The following LYPLAL1 variants were observed in gnomAD, a reference collection of about 807,000 sequenced individuals.
LYPLAL1 encodes lysophospholipase like 1.
A neutral mutation model predicts 19.7 loss-of-function variants in LYPLAL1; 23 were observed. The observed-to-expected ratio is 1.17, with a 90% CI of 0.84 to 1.65. The LOEUF is 1.65. LYPLAL1 is among the 40% of genes most tolerant of loss of function. The pLI, the probability that LYPLAL1 is intolerant of heterozygous loss-of-function variation, is 0.00. For missense variants in LYPLAL1, 355 were observed against 279.4 expected, an observed-to-expected ratio of 1.27 and a Z score of -1.93; for synonymous variants, 119 against 96.3, an observed-to-expected ratio of 1.24 and a Z score of -1.38.
chr1:219,202,590 G>C (rs1044451790), intron 3 of LYPLAL1, among the ~76,000 whole-genome samples: 54 of 152,334 alleles, frequency 3.5e-4, no homozygotes, highest in African/African-American at 1.2e-3. Context: ...TTTAATGAAG[G>C]AGGGATTCAG....
chr1:219,268,163 AG>A, the LYPLAL1 span, among the ~76,000 whole-genome samples: 40 of 152,296 alleles, frequency 2.6e-4, no homozygotes, highest in Middle Eastern at 3.4e-3. Flanking sequence ...GGCAGTTCAC[AG>A]GGGACAGAGG....
chr1:219,228,644 A>G, the LYPLAL1 span, among the ~76,000 whole-genome samples: 7 of 152,152 alleles, frequency 4.6e-5, no homozygotes, highest in African/African-American at 1.4e-4. Context: ...TATTTTTTCA[A>G]ATACAATTAT....
chr1:219,322,438 T>A, the LYPLAL1 span, among the ~76,000 whole-genome samples: 1 of 152,194 alleles, frequency 6.6e-6, no homozygotes, highest in African/African-American at 2.4e-5. Flanking sequence ...AGTGAAGCAT[T>A]AAACTCAGGC....
At chr1:219,306,805 G>GAT in the LYPLAL1 span, among the ~76,000 whole-genome samples, 26 of 134,562 alleles carry the variant, frequency 1.9e-4, no homozygotes, top group Admixed American at 3.2e-4. Context: ...CAGATGCATA[G>GAT]ATAGATATAG....
At chr1:219,439,287 C>G in the LYPLAL1 span, among the ~76,000 whole-genome samples, 1 of 152,146 alleles carries the variant, frequency 6.6e-6, no homozygotes, top group African/African-American at 2.4e-5. Flanking sequence ...GCACAGATAA[C>G]ATGGAACTCT....
At chr1:219,236,007 A>T in the LYPLAL1 span, among the ~76,000 whole-genome samples, 1 of 152,248 alleles carries the variant, frequency 6.6e-6, no homozygotes, top group Non-Finnish European at 1.5e-5. Flanking sequence ...GGACCTATAA[A>T]TAAAATTGTT....
chr1:219,238,304 ATTTTTT>A, the LYPLAL1 span, among the ~76,000 whole-genome samples: 41 of 81,878 alleles, frequency 5.0e-4, no homozygotes, highest in African/African-American at 1.0e-3. Flanking sequence ...CGCCCGGCTA[ATTTTTT>A]TTTTTTTTTT....
the LYPLAL1 span, among the ~76,000 whole-genome samples, chr1:219,237,551 TAG>T: frequency 6.6e-6 from 1 of 152,250 alleles, no homozygotes; most frequent in Non-Finnish European, 1.5e-5. Context: ...CCGTTTTGTA[TAG>T]AGTTATATTT....
chr1:219,250,231 T>C, the LYPLAL1 span, among the ~76,000 whole-genome samples: 1 of 152,060 alleles, frequency 6.6e-6, no homozygotes, highest in South Asian at 2.1e-4. Context: ...CTTTTTTCTG[T>C]ATGGATATTC....
chr1:219,289,100 T>G, the LYPLAL1 span, among the ~76,000 whole-genome samples: 1 of 136,516 alleles, frequency 7.3e-6, no homozygotes, highest in African/African-American at 2.6e-5. Context: ...TTTTTTGCCT[T>G]TGGAAATTTC....
chr1:219,318,296 A>T, the LYPLAL1 span, among the ~76,000 whole-genome samples: 1 of 151,898 alleles, frequency 6.6e-6, no homozygotes, highest in African/African-American at 2.4e-5. Flanking sequence ...CTCAAGTGTC[A>T]CTCTCCCAGG....
Position 219,190,552 on chromosome 1 carries a change from A to T in LYPLAL1, c.192-2530A>T, listed in dbSNP as rs992027692. 3.3e-5 allele frequency among the ~76,000 whole-genome samples: 5 copies of T among 150,372 alleles called. No homozygotes were observed. In the East Asian group the frequency reaches 5.9e-4, roughly 18 times the overall value. On this transcript the variant is annotated intron_variant, in intron 2 of 4. Transcript: ENST00000366928. ...GGATTGGCAGGAGCTTCTTAAGCAA[A>T]TCTAGAGACCCAGAAATTTAAATTT...
At chr1:219,180,751 T>A (rs1032424997) in intron 2 of LYPLAL1, among the ~76,000 whole-genome samples, 2 of 152,210 alleles carry the variant, frequency 1.3e-5, no homozygotes, top group Non-Finnish European at 2.9e-5. Context: ...ATTCTAGGAA[T>A]TAATATTTTT....
the LYPLAL1 span, among the ~76,000 whole-genome samples, chr1:219,326,182 G>A: frequency 6.6e-6 from 1 of 151,938 alleles, no homozygotes; most frequent in East Asian, 1.9e-4. Context: ...TCAAAATATT[G>A]GGATTACAGG....
chr1:219,216,878 C>G (rs1349159764), downstream of LYPLAL1, among the ~76,000 whole-genome samples: 1 of 152,108 alleles, frequency 6.6e-6, no homozygotes, highest in Non-Finnish European at 1.5e-5. Context: ...GTCTTCCTTT[C>G]TTAAGGAATG....
At position 219,173,916 on chromosome 1, in the gene LYPLAL1, T is replaced by A; in HGVS notation, c.26T>A (p.Leu9Gln). 2 of 1,613,640 alleles carry A rather than the reference T, an allele frequency of 1.2e-6. No homozygotes were observed. The highest frequency in any genetic ancestry group is 8.5e-7 in the Non-Finnish European group (1 of 1,179,930). MAAASGSV[L>Q]QRCIVSPAGR... ...ATGGCGGCTGCGTCGGGGTCGGTTC[T>A]GCAGCGCTGTATCGTGTCGCCGGCA... is the stretch of plus-strand genomic sequence containing the variant. Residue 9 changes from leucine to glutamine, a missense_variant, in exon 1 of 5, where the codon CTG becomes CAG. Coordinates refer to ENST00000366928, the MANE Select transcript of LYPLAL1 (RefSeq NM_138794.5).
intron 1 of LYPLAL1, 73 bp from the exon 2 acceptor site, chr1:219,179,074 A>T (rs1656049807): frequency 9.9e-7 from 1 of 1,013,566 alleles, no homozygotes; most frequent in Admixed American, 2.6e-5. Flanking sequence ...TGTGACATAA[A>T]AGTTTTAGAC....
chr1:219,211,708 G>T lies in LYPLAL1; in HGVS notation c.694G>T (p.Glu232Ter), dbSNP rs778842473. The T allele has an allele frequency of 3.1e-6, 5 of 1,604,186 alleles. No homozygotes were observed. The highest frequency in any genetic ancestry group is 1.7e-5 in the Admixed American group (1 of 58,228). Residue 232 changes from glutamate to a stop codon, truncating the protein, a stop_gained, in exon 5 of 5, where the codon GAA becomes TAA. Transcript: ENST00000366928. LOFTEE classifies it high-confidence loss of function. ...ATGGATTCTTACAAAGCTGCCAGGA[G>T]AAATGGAAAAACAAAAATGAATGAA... ...KLWILTKLPG[E>*]MEKQK
the LYPLAL1 span, among the ~76,000 whole-genome samples, chr1:219,254,819 C>T: frequency 6.6e-6 from 1 of 151,998 alleles, no homozygotes; most frequent in Non-Finnish European, 1.5e-5. Context: ...GTTGGCCTCT[C>T]TAGCAAGGTT....
Sources: allele counts gnomAD v4.1 joint callset (sites outside exome capture counted in the v4.1 genomes callset), GRCh38; gene constraint gnomAD v4.1.1; transcripts MANE v1.5; gene names NCBI Gene and HGNC (gene_info 2026-07-23, HGNC 2026-07-21).